Variants in NFASC observed in about 807,000 individuals in gnomAD.
NFASC encodes neurofascin homolog.
In NFASC, 43 loss-of-function variants were observed where a neutral mutation model predicts 147.5. The observed-to-expected ratio is 0.29, with a 90% confidence interval of 0.23 to 0.38. The LOEUF (loss-of-function observed/expected upper bound fraction) is 0.38, where lower values mean the gene tolerates loss of function less well. NFASC is among the 10% of genes least tolerant of loss of function. The probability of loss-of-function intolerance (pLI) is 1.00; values close to 1 mark genes in which losing one functional copy is unlikely to be tolerated. For missense variants in NFASC, 1,320 were observed against 1,689.0 expected (o/e 0.78, Z 3.83); for synonymous variants, 622 against 665.5 (o/e 0.93, Z 1.01).
In NFASC at chr1:204,987,259, C is replaced by T. The variant is rs1211781307; in HGVS notation, c.2471-159C>T. The T allele has an allele frequency of 6.0e-6, 4 of 665,876 alleles. No homozygotes were observed. The highest frequency in any genetic ancestry group is 1.9e-5 in the South Asian group (1 of 52,042). 41.2% of individuals were successfully genotyped at this position (665,876 alleles called of 1,614,324 possible). A position where few individuals can be genotyped will look rare whatever the true frequency, so the allele number is the denominator to read the frequency against. The stretch of plus-strand genomic sequence containing the variant: ...GCATCCTGGATGGGGCAATGGGCTC[C>T]GGTCGTCTCACGGTTCTCCCAGGCT... On this transcript the variant is annotated intron_variant, in intron 21 of 29. Coordinates refer to ENST00000339876, the MANE Select transcript of NFASC (RefSeq NM_001005388.3). This position sits in a 1 kb window ranked among gnomAD's most constrained non-coding sequence, Gnocchi z 4.4.
Position 204,975,282 on chromosome 1 carries a change from A to T in NFASC, c.1570A>T (p.Ile524Phe). ...GGGCTTCTCCACAGACCCCACCAGG[A>T]TCTACCGGATGCCCGAGGACCAGGT... The part of the protein sequence containing the change: ...VRLEVKDPTR[I>F]YRMPEDQVAR... The change falls in exon 15 of 30, where the codon ATC becomes TTC. Residue 524 changes from isoleucine to phenylalanine, a missense_variant. Physicochemically the swap from Ile to Phe is conservative, Grantham distance 21. Transcript: ENST00000339876. The surrounding 1 kb of genome is among the most constrained non-coding windows in gnomAD (Gnocchi z 4.0). 6.2e-7 allele frequency: 1 copy of T among 1,612,842 alleles called. No homozygotes were observed. Among genetic ancestry groups the T allele is most frequent in the East Asian group, 2.2e-5 (1 of 44,840 alleles).
chr1:204,991,094 T>C (rs1365989967), intron 23 of NFASC, among the ~76,000 whole-genome samples, 198 bp from the exon 24 acceptor site: 1 of 152,216 alleles, frequency 6.6e-6, no homozygotes, highest in African/African-American at 2.4e-5. Flanking sequence ...CTGACTCAGG[T>C]GGAGTTGACC....
intron 3 of NFASC, among the ~76,000 whole-genome samples, 190 bp from the exon 4 acceptor site, chr1:204,950,367 G>A (rs937033709): frequency 6.6e-6 from 1 of 152,182 alleles, no homozygotes; most frequent in African/African-American, 2.4e-5. Context: ...CACTGGGTCC[G>A]TTCCCCAACC....
intron 1 of NFASC, among the ~76,000 whole-genome samples, chr1:204,857,336 T>C (rs6680457): frequency 0.19 from 28,946 of 152,206 alleles, 4,298 homozygotes; most frequent in East Asian, 0.53. Context: ...TTCCCATACT[T>C]GCTCTGGCAT....
intron 10 of NFASC, among the ~76,000 whole-genome samples, chr1:204,970,238 G>A (rs531345238): frequency 1.1e-3 from 161 of 152,172 alleles, no homozygotes; most frequent in Non-Finnish European, 1.9e-3. Flanking sequence ...GGAGCCATTG[G>A]ATGCACACCT....
At chr1:204,932,525 A>G (rs111685029) in intron 2 of NFASC, among the ~76,000 whole-genome samples, 4 of 152,370 alleles carry the variant, frequency 2.6e-5, no homozygotes, top group African/African-American at 9.6e-5. Context: ...ATTTAAAAAA[A>G]AAAAAGAATT....
intron 1 of NFASC, among the ~76,000 whole-genome samples, chr1:204,868,284 G>A (rs2102955112): frequency 6.6e-6 from 1 of 152,320 alleles, no homozygotes; most frequent in Middle Eastern, 3.4e-3. Flanking sequence ...CTTCTGGTGT[G>A]GGAGAGCAGG....
intron 1 of NFASC, among the ~76,000 whole-genome samples, chr1:204,918,760 A>G (rs1444773114): frequency 6.7e-6 from 1 of 149,702 alleles, no homozygotes; most frequent in Non-Finnish European, 1.5e-5. Flanking sequence ...TAATTTTTGT[A>G]TTTTTAGTAG....
intron 1 of NFASC, among the ~76,000 whole-genome samples, chr1:204,905,553 A>C (rs1031711474): frequency 6.6e-6 from 1 of 152,044 alleles, no homozygotes; most frequent in Admixed American, 6.5e-5. Context: ...TTTGAGTTGT[A>C]GTAATTATTC....
rs1221791468 is a variant in NFASC at position 205,017,856 on chromosome 1, CAA to C, written c.*1318_*1319del. The C allele has an allele frequency of 1.3e-5, 2 of 152,700 alleles. No individual in the cohort carries two copies. Among genetic ancestry groups the C allele is most frequent in the African/African-American group, 4.8e-5 (2 of 41,440 alleles). The allele number at this position is 152,700 out of a possible 1,614,324, so 9.5% of individuals were successfully genotyped here. A position where few individuals can be genotyped will look rare whatever the true frequency, so the allele number is the denominator to read the frequency against. ...GTGATGCCCCCACCTAGGGAGGACT[CAA>C]TGCTCTTTGTATGCCTTATGCAGCG... On this transcript the variant is annotated 3_prime_UTR_variant, in exon 30 of 30. Transcript: ENST00000339876.
At chr1:204,993,782 C>T (rs770708826) in intron 24 of NFASC, 1 of 517,996 alleles carries the variant, frequency 1.9e-6, no homozygotes, top group East Asian at 5.5e-5. Context: ...GTCTGCCCAG[C>T]CTGGTGCTGC....
intron 1 of NFASC, among the ~76,000 whole-genome samples, chr1:204,876,996 GTATATATATATATA>G (rs60582969): frequency 4.0e-5 from 3 of 74,682 alleles, no homozygotes; most frequent in Non-Finnish European, 7.0e-5. Flanking sequence ...GGCTAAATAT[GTATATATATATATA>G]TATATATATA....
intron 2 of NFASC, among the ~76,000 whole-genome samples, chr1:204,937,832 C>T (rs145307493): frequency 4.6e-4 from 70 of 152,334 alleles, no homozygotes; most frequent in African/African-American, 1.6e-3. Context: ...ATTTACTGTC[C>T]TCCCTGCTGG....
intron 1 of NFASC, among the ~76,000 whole-genome samples, chr1:204,868,468 G>A (rs1181219108): frequency 6.6e-6 from 1 of 152,130 alleles, no homozygotes; most frequent in Non-Finnish European, 1.5e-5. Context: ...CATTGGCACG[G>A]GCTGTCCTCT....
chr1:204,885,662 T>C (rs1387072966), intron 1 of NFASC, among the ~76,000 whole-genome samples: 1 of 152,202 alleles, frequency 6.6e-6, no homozygotes, highest in Non-Finnish European at 1.5e-5. Context: ...GGTGGGGCCT[T>C]CTACTGATCC....
chr1:204,962,464 C>T (rs2094725598), intron 8 of NFASC, among the ~76,000 whole-genome samples: 1 of 152,146 alleles, frequency 6.6e-6, no homozygotes, highest in Non-Finnish European at 1.5e-5. Context: ...AAAGTAGAAG[C>T]TTAGGAATCA....
intron 8 of NFASC, chr1:204,962,233 G>C (rs781346381): frequency 8.0e-7 from 1 of 1,252,744 alleles, no homozygotes. Flanking sequence ...CTGATACCAC[G>C]TCATTAACTC....
intron 21 of NFASC, chr1:204,984,382 C>CATATATATATATATAT (rs55787898): frequency 2.0e-3 from 270 of 134,012 alleles, no homozygotes; most frequent in African/African-American, 6.9e-3. Flanking sequence ...TATATATACG[C>CATATATATATATATAT]ATATATATAT....
intron 10 of NFASC, among the ~76,000 whole-genome samples, chr1:204,970,106 C>T (rs1476830675): frequency 6.9e-6 from 1 of 145,254 alleles, no homozygotes; most frequent in African/African-American, 2.5e-5. Flanking sequence ...AAAAGAACTA[C>T]TCTAACCAAA....
Sources: allele counts gnomAD v4.1 joint callset (sites outside exome capture counted in the v4.1 genomes callset), GRCh38; gene constraint gnomAD v4.1.1; non-coding constraint Gnocchi (gnomAD v3.1); transcripts MANE v1.5; gene names NCBI Gene and HGNC (gene_info 2026-07-23, HGNC 2026-07-21).